Variants in PRUNE2 observed in about 807,000 individuals in gnomAD.
PRUNE2 encodes the protein protein prune homolog 2.
PRUNE2 carries 164 observed loss-of-function variants against 252.0 expected under a neutral mutation model. The ratio of observed to expected loss-of-function variants is 0.65; its 90% CI spans 0.57 to 0.74. The LOEUF (loss-of-function observed/expected upper bound fraction) is 0.74, where lower values mean the gene tolerates loss of function less well. Ranked by LOEUF, PRUNE2 falls within the 30% of genes least tolerant of loss-of-function variation. PRUNE2 has a pLI of 0.00. For synonymous variants in PRUNE2, 1,292 were observed against 1,350.2 expected (o/e 0.96, Z 0.94); for missense variants, 3,495 against 3,711.0 (o/e 0.94, Z 1.51).
chr9:76,768,202 T>TC (rs892372352), intron 6 of PRUNE2, among the ~76,000 whole-genome samples: 23 of 151,096 alleles, frequency 1.5e-4, no homozygotes, highest in African/African-American at 5.3e-4. Flanking sequence ...TGATTTTCCT[T>TC]TTTTTTTTGA....
chr9:76,798,692 G>C (rs2056310915), intron 6 of PRUNE2, among the ~76,000 whole-genome samples: 1 of 152,112 alleles, frequency 6.6e-6, no homozygotes, highest in African/African-American at 2.4e-5. Flanking sequence ...GCCTACACCA[G>C]AGCACCTTAC....
At chr9:76,618,276 A>G (rs1293582793) in intron 18 of PRUNE2, among the ~76,000 whole-genome samples, 1 of 152,222 alleles carries the variant, frequency 6.6e-6, no homozygotes, top group Non-Finnish European at 1.5e-5. Flanking sequence ...CAAGGTCAAC[A>G]TGGCAAATGT....
At position 76,844,038 on chromosome 9, in the gene PRUNE2, C is replaced by T. The variant is rs374005623; in HGVS notation, c.508+2477G>A. The stretch of plus-strand genomic sequence containing the variant: ...CCACCACGCCCAGCCTACTTGATTT[C>T]TTTTTTGTATTTACTAACAATTCAG... On this transcript the variant is annotated intron_variant, in intron 4 of 18. Coordinates refer to ENST00000376718, the MANE Select transcript of PRUNE2 (RefSeq NM_015225.3). 2.4e-4 allele frequency among the ~76,000 whole-genome samples: 37 copies of T among 152,216 alleles called. No homozygotes were observed. In the East Asian group the frequency reaches 7.2e-3, roughly 29 times the overall value.
intron 6 of PRUNE2, among the ~76,000 whole-genome samples, chr9:76,728,630 C>T (rs1453801003): frequency 1.3e-5 from 2 of 152,178 alleles, no homozygotes; most frequent in African/African-American, 4.8e-5. Context: ...AAACTTGGTT[C>T]ATATTTGCGT....
At chr9:76,690,209 C>G (rs1163707341) in intron 9 of PRUNE2, among the ~76,000 whole-genome samples, 1 of 152,212 alleles carries the variant, frequency 6.6e-6, no homozygotes, top group Non-Finnish European at 1.5e-5. Flanking sequence ...TTTCTCGCCC[C>G]TTCTTCCTTC....
chr9:76,860,236 T>C (rs924155013), intron 1 of PRUNE2, among the ~76,000 whole-genome samples: 1 of 152,096 alleles, frequency 6.6e-6, no homozygotes, highest in Admixed American at 6.6e-5. Flanking sequence ...TCTGTAGGAG[T>C]AGTTGGGGAA....
chr9:76,655,749 A>C (rs1848943359), intron 9 of PRUNE2, among the ~76,000 whole-genome samples: 1 of 152,180 alleles, frequency 6.6e-6, no homozygotes, highest in African/African-American at 2.4e-5. Context: ...TAATAAACAC[A>C]CACCAAGTGG....
In PRUNE2 at chr9:76,629,660, A is replaced by G. The variant is rs114341711; in HGVS notation, c.9051-370T>C. ...TTAGCAATTTTCTAGGATGCAATACATTGTTATTAGCTCTGGTCACCATGT... is the reference window on the plus strand; with the variant it reads ...TTAGCAATTTTCTAGGATGCAATACGTTGTTATTAGCTCTGGTCACCATGT... On this transcript the variant is annotated intron_variant, in intron 15 of 18. Transcript: ENST00000376718. 2.1e-3 allele frequency among the ~76,000 whole-genome samples: 311 copies of G among 151,484 alleles called. 2 individuals are homozygous for G. The highest frequency in any genetic ancestry group is 7.0e-3 in the African/African-American group (288 of 41,206).
In PRUNE2 at chr9:76,708,566, G is replaced by A. The variant is rs1452935220; in HGVS notation, c.3708C>T (p.Gly1236=). ...GCTCTGAATCTGTGATATGTGAGGA[G>A]CCTGGTAACATGAATGATGACATGT... The part of the protein sequence containing the change: ...DKDMSSFMLP[G]SSHITDSEQR... Residue 1236 remains glycine, a synonymous_variant, in exon 8 of 19, where the codon GGC becomes GGT. Coordinates refer to ENST00000376718, the MANE Select transcript of PRUNE2 (RefSeq NM_015225.3). 1 of 1,613,828 alleles carries A rather than the reference G, an allele frequency of 6.2e-7. No individual in the cohort carries two copies. Among genetic ancestry groups the A allele is most frequent in the Admixed American group, 1.7e-5 (1 of 59,992 alleles).
intron 9 of PRUNE2, among the ~76,000 whole-genome samples, chr9:76,694,236 G>A (rs1386064210): frequency 6.6e-6 from 1 of 152,048 alleles, no homozygotes; most frequent in African/African-American, 2.4e-5. Context: ...AGGCTGGAGT[G>A]CAGTGGTGAG....
rs2059901790 is a variant in PRUNE2 at position 76,850,514 on chromosome 9, T to C, written c.293A>G (p.Asn98Ser). The C allele has an allele frequency of 6.2e-7, 1 of 1,614,028 alleles. No homozygotes were observed. Among genetic ancestry groups the C allele is most frequent in the Non-Finnish European group, 8.5e-7 (1 of 1,179,874 alleles). Residue 98 changes from asparagine (N) to serine (S), a missense_variant, in exon 3 of 19, where the codon AAT becomes AGT. Coordinates refer to ENST00000376718, the MANE Select transcript of PRUNE2 (RefSeq NM_015225.3). ...FRDEINLHQL[N>S]DEGKLSITLV... ...TGTTATCGATAACTTCCCTTCATCATTTAGCTGATGCAGGTTAATTTCATC... is the reference window on the plus strand; with the variant it reads ...TGTTATCGATAACTTCCCTTCATCACTTAGCTGATGCAGGTTAATTTCATC...
Position 76,707,106 on chromosome 9 carries a change from G to A in PRUNE2, c.5168C>T (p.Ser1723Phe). ...ESRAWDSLNESNKFLVTADPK... is the reference protein window; with the variant it reads ...ESRAWDSLNEFNKFLVTADPK... ...ATCAGCTGTGACCAAGAACTTATTA[G>A]ATTCATTCAATGAATCCCAAGCTCT... Residue 1723 changes from serine to phenylalanine, a missense_variant, in exon 8 of 19, where the codon TCT (serine) becomes TTT (phenylalanine). Coordinates refer to ENST00000376718, the MANE Select transcript of PRUNE2 (RefSeq NM_015225.3). 1.2e-6 allele frequency: 2 copies of A among 1,613,892 alleles called. No individual in the cohort carries two copies. The highest frequency in any genetic ancestry group is 1.1e-5 in the South Asian group (1 of 91,072).
chr9:76,724,179 C>A (rs1240401658), intron 6 of PRUNE2, among the ~76,000 whole-genome samples: 10 of 149,106 alleles, frequency 6.7e-5, no homozygotes, highest in South Asian at 2.2e-4. Context: ...TGAAATCAGG[C>A]TGGGTGCGGT....
intron 11 of PRUNE2, among the ~76,000 whole-genome samples, chr9:76,647,790 T>C (rs1845565508): frequency 6.6e-6 from 1 of 152,088 alleles, no homozygotes; most frequent in African/African-American, 2.4e-5. Flanking sequence ...GGTGAAACCC[T>C]GTTTCTACTA....
At chr9:76,617,753 A>G (rs1830384147) in intron 18 of PRUNE2, among the ~76,000 whole-genome samples, 1 of 152,200 alleles carries the variant, frequency 6.6e-6, no homozygotes, top group Non-Finnish European at 1.5e-5. Context: ...CTTCCCAACC[A>G]AACAGCCCTA....
intron 9 of PRUNE2, among the ~76,000 whole-genome samples, chr9:76,695,104 C>T: frequency 6.6e-6 from 1 of 152,268 alleles, no homozygotes; most frequent in East Asian, 1.9e-4. Flanking sequence ...GGTACAATCT[C>T]AGCCCACTGC....
At position 76,644,721 on chromosome 9, in the gene PRUNE2, C is replaced by T; in HGVS notation, c.8728+18G>A. ...CTGCCCCTTCCCCATTTCCCAGATT[C>T]ATGCTGAGCTCGACTACCTCCGTGA... On this transcript the variant is annotated intron_variant, in intron 12 of 18. Transcript: ENST00000376718. 6.2e-7 allele frequency: 1 copy of T among 1,612,318 alleles called. No individual in the cohort carries two copies. Among genetic ancestry groups the T allele is most frequent in the East Asian group, 2.2e-5 (1 of 44,854 alleles).
chr9:76,709,639 G>T lies in PRUNE2; in HGVS notation c.2635C>A (p.Pro879Thr), dbSNP rs549467509. The T allele has an allele frequency of 5.0e-6, 8 of 1,613,970 alleles. No individual in the cohort carries two copies. In the East Asian group the frequency reaches 1.8e-4, roughly 36 times the overall value. ...TCCAGATCAGAACTGGGATTTCCAG[G>T]TGCAAAGATGTGATCCCTGGAGTCA... Reference protein sequence around the residue: ...NNDSRDHIFAPGNPSSDLDHT... With the variant: ...NNDSRDHIFATGNPSSDLDHT... Residue 879 changes from proline to threonine, a missense_variant, in exon 8 of 19, where the codon CCT (proline) becomes ACT (threonine). Coordinates refer to ENST00000376718, the MANE Select transcript of PRUNE2 (RefSeq NM_015225.3).
chr9:76,731,275 C>CCTCTCTCTCTCT (rs769194090), intron 6 of PRUNE2, among the ~76,000 whole-genome samples: 12 of 131,328 alleles, frequency 9.1e-5, no homozygotes, highest in African/African-American at 3.5e-4. Flanking sequence ...ACATATATTC[C>CCTCTCTCTCTCT]CTCTCTCTAT....
Sources: allele counts gnomAD v4.1 joint callset (sites outside exome capture counted in the v4.1 genomes callset), GRCh38; gene constraint gnomAD v4.1.1; transcripts MANE v1.5; gene names NCBI Gene and HGNC (gene_info 2026-07-23, HGNC 2026-07-21).